Variants in TIMM44 observed in about 807,000 individuals in gnomAD.
The protein encoded by TIMM44 is translocase of inner mitochondrial membrane 44.
In TIMM44, 37 loss-of-function variants were observed where a neutral mutation model predicts 63.8. The ratio of observed to expected loss-of-function variants is 0.58; its 90% CI spans 0.45 to 0.76. The LOEUF (loss-of-function observed/expected upper bound fraction) is 0.76. TIMM44 is among the 30% of genes least tolerant of loss of function. TIMM44 has a pLI of 0.00. For synonymous variants in TIMM44, 239 were observed against 245.1 expected (o/e 0.98, Z 0.23); for missense variants, 573 against 603.8 (o/e 0.95, Z 0.54).
intron 2 of TIMM44, among the ~76,000 whole-genome samples, chr19:7,939,333 C>T (rs966172155): frequency 3.3e-5 from 5 of 152,194 alleles, no homozygotes; most frequent in African/African-American, 1.2e-4. Flanking sequence ...AAAACAAGGC[C>T]GGGCGCAGTG....
At chr19:7,930,197 G>A (rs993717933) in intron 10 of TIMM44, among the ~76,000 whole-genome samples, 5 of 151,602 alleles carry the variant, frequency 3.3e-5, no homozygotes, top group African/African-American at 9.7e-5. Context: ...CTGGAGTGCT[G>A]TGCTGCGATG....
chr19:7,931,266 C>T, intron 9 of TIMM44, 78 bp from the exon 10 acceptor site: 2 of 1,365,118 alleles, frequency 1.5e-6, no homozygotes, highest in Non-Finnish European at 2.1e-6. Context: ...GAACATTCTC[C>T]AGTGGTGCGG....
rs372298685 is a variant in TIMM44 at position 7,932,711 on chromosome 19, C to A, written c.903G>T (p.Thr301=). ...FSKTEMSEVL[T]EILRVDPAFD... ...AGGCCGGGTCCACCCGGAGGATCTC[C>A]GTGAGCACCTCCGACATCTCTGTCT... is the stretch of plus-strand genomic sequence containing the variant. The change falls in exon 9 of 13, where the codon ACG becomes ACT. Residue 301 remains threonine (T), a synonymous_variant. Coordinates refer to ENST00000270538, the MANE Select transcript of TIMM44 (RefSeq NM_006351.4). 15 of 1,614,022 alleles carry A rather than the reference C, an allele frequency of 9.3e-6. No individual in the cohort carries two copies. The Admixed American group carries it at 1.2e-4, about 13-fold the overall frequency.
intron 3 of TIMM44, among the ~76,000 whole-genome samples, chr19:7,936,855 C>G (rs1156273543): frequency 6.6e-6 from 1 of 152,210 alleles, no homozygotes; most frequent in African/African-American, 2.4e-5. Context: ...AATCTCAGCA[C>G]TTTGGAAGGC....
At chr19:7,928,266 C>A in intron 10 of TIMM44, 100 bp from the exon 11 acceptor site, 1 of 1,033,456 alleles carries the variant, frequency 9.7e-7, no homozygotes, top group African/African-American at 1.6e-5. Context: ...GGTGCCCTGC[C>A]GCCAGCCAGC....
chr19:7,932,376 C>T (rs1599647672), intron 9 of TIMM44: 1 of 559,798 alleles, frequency 1.8e-6, no homozygotes, highest in Admixed American at 3.1e-5. Flanking sequence ...AAAGGAACAA[C>T]AGCCTCAGGC....
chr19:7,936,957 T>C (rs1283886180), intron 3 of TIMM44, among the ~76,000 whole-genome samples: 1 of 151,510 alleles, frequency 6.6e-6, no homozygotes, highest in East Asian at 1.9e-4. Flanking sequence ...AAAAATTAGC[T>C]GGGCAGTAGT....
At chr19:7,927,389 C>T (rs1164193443) in intron 12 of TIMM44, 83 bp from the exon 13 acceptor site, 1 of 1,541,302 alleles carries the variant, frequency 6.5e-7, no homozygotes, top group East Asian at 2.2e-5. Flanking sequence ...CTCTGTGGGG[C>T]AGGAGCCACC....
At chr19:7,928,344 AC>A (rs1746595550) in intron 10 of TIMM44, 178 bp from the exon 11 acceptor site, 2 of 604,100 alleles carry the variant, frequency 3.3e-6, no homozygotes, top group Non-Finnish European at 5.9e-6. Context: ...GGCCCAGATC[AC>A]ACGCTTCCCA....
chr19:7,930,728 C>T lies in TIMM44; in HGVS notation c.1038+410G>A, dbSNP rs116867798. ...CTGCTGGGATTGAAAGCATAGGCCA[C>T]CGTGCCCAGACCTAACCAAAATTAT... On this transcript the variant is annotated intron_variant, in intron 10 of 12. Transcript: ENST00000270538. 4.1e-3 allele frequency among the ~76,000 whole-genome samples: 619 copies of T among 152,242 alleles called. 6 individuals are homozygous for T. The highest frequency in any genetic ancestry group is 7.3e-3 in the Non-Finnish European group (497 of 68,014).
At chr19:7,940,781 G>A (rs1984287039) in intron 2 of TIMM44, among the ~76,000 whole-genome samples, 1 of 152,066 alleles carries the variant, frequency 6.6e-6, no homozygotes, top group Non-Finnish European at 1.5e-5. Flanking sequence ...TGCTTGGTGA[G>A]GTACCCACGG....
At chr19:7,930,616 T>C (rs571980720) in intron 10 of TIMM44, among the ~76,000 whole-genome samples, 2 of 152,324 alleles carry the variant, frequency 1.3e-5, no homozygotes, top group South Asian at 4.1e-4. Flanking sequence ...ACTTGGCTCA[T>C]TTTAAATGTT....
At chr19:7,939,911 C>CA (rs34650003) in intron 2 of TIMM44, among the ~76,000 whole-genome samples, 14,417 of 150,654 alleles carry the variant, frequency 0.096, 797 homozygotes, top group African/African-American at 0.16. Context: ...GACTCTGTTT[C>CA]AAAAAAACAA....
intron 9 of TIMM44, chr19:7,932,286 C>G (rs979310043): frequency 8.2e-6 from 3 of 367,964 alleles, no homozygotes; most frequent in South Asian, 2.8e-5. Context: ...TGAAGACAGA[C>G]GCCCACTTCT....
intron 10 of TIMM44, among the ~76,000 whole-genome samples, chr19:7,929,912 A>C (rs1279730723): frequency 4.6e-5 from 7 of 150,780 alleles, no homozygotes; most frequent in Non-Finnish European, 1.0e-4. Flanking sequence ...GCAGTGGTGC[A>C]ATCTCGGCTC....
At position 7,934,452 on chromosome 19, in the gene TIMM44, G is replaced by A. The variant is rs1984084404; in HGVS notation, c.394-214C>T. The stretch of plus-strand genomic sequence containing the variant: ...AGCACACCGCCACCCCCAGAGCCAC[G>A]AGCACACCGGCACCCCCAGAGCCAT... On this transcript the variant is annotated intron_variant, in intron 4 of 12. Coordinates refer to ENST00000270538, the MANE Select transcript of TIMM44 (RefSeq NM_006351.4). This position sits in a 1 kb window ranked among gnomAD's most constrained non-coding sequence, Gnocchi z 5.3. Among the ~76,000 whole-genome samples the A allele has an allele frequency of 1.5e-5, 2 of 134,210 alleles. No homozygotes were observed. The highest frequency in any genetic ancestry group is 3.5e-5 in the Non-Finnish European group (2 of 57,878). 88.0% of individuals were successfully genotyped at this position (134,210 alleles called of 152,430 possible). A position where few individuals can be genotyped will look rare whatever the true frequency, so the allele number is the denominator to read the frequency against.
rs764965995 is a variant in TIMM44, at chr19:7,932,837, C to T, written c.862+3G>A. 5 of 1,614,196 alleles carry T rather than the reference C, an allele frequency of 3.1e-6. No homozygotes were observed. The South Asian group carries it at 3.3e-5, about 11-fold the overall frequency. ...CTGCGAGGTCCAGGGATGACTCACT[C>T]ACCCAGCAAGTCGGTGACCTTGTCC... On this transcript the variant is annotated splice_donor_region_variant and intron_variant, in intron 8 of 12. Coordinates refer to ENST00000270538, the MANE Select transcript of TIMM44 (RefSeq NM_006351.4).
intron 3 of TIMM44, among the ~76,000 whole-genome samples, chr19:7,936,667 G>C (rs1205810264): frequency 1.3e-5 from 2 of 152,156 alleles, no homozygotes; most frequent in African/African-American, 2.4e-5. Context: ...AAGAAGAGAA[G>C]TGACAATTAA....
intron 2 of TIMM44, among the ~76,000 whole-genome samples, chr19:7,939,111 C>G (rs1347271655): frequency 6.6e-6 from 1 of 151,996 alleles, no homozygotes; most frequent in Non-Finnish European, 1.5e-5. Flanking sequence ...ATGTACACCA[C>G]CAAGAGGGAA....
Sources: gnomAD v4.1 joint callset for allele counts (sites outside exome capture counted in the v4.1 genomes callset) on GRCh38, gnomAD v4.1.1 for gene constraint, Gnocchi (gnomAD v3.1) non-coding constraint, MANE v1.5 for transcripts, NCBI Gene and HGNC (gene_info 2026-07-23, HGNC 2026-07-21) for gene names.